INS: variants seen among roughly 807,000 people sequenced by gnomAD.
INS encodes the protein insulin.
Under a neutral mutation model 10.5 loss-of-function variants are expected in INS, and 6 were observed. That is an observed-to-expected ratio of 0.57 (90% CI 0.31 to 1.13). The LOEUF (loss-of-function observed/expected upper bound fraction) is 1.13. Ranked by LOEUF, INS falls within the 50% of genes most tolerant of loss-of-function variation. The probability of loss-of-function intolerance (pLI) is 0.05; values close to 1 mark genes in which losing one functional copy is unlikely to be tolerated. For missense variants in INS, 109 were observed against 138.6 expected (o/e 0.79, Z 1.07); for synonymous variants, 71 against 62.7 (o/e 1.13, Z -0.63).
rs144093133 is a variant in INS, at chr11:2,159,961, C to A, written c.224G>T (p.Gly75Val). The A allele has an allele frequency of 6.3e-7, 1 of 1,592,960 alleles. No homozygotes were observed. Among genetic ancestry groups the A allele is most frequent in the Non-Finnish European group, 8.5e-7 (1 of 1,171,776 alleles). Residue 75 changes from glycine (G) to valine (V), a missense_variant, in exon 3 of 3, where the codon GGC becomes GTC. By Grantham distance (109) the Gly-to-Val change is moderately radical. This residue lies in a region of INS where 108 missense variants were observed against 118.0 expected (regional missense o/e 0.92). Transcript: ENST00000381330. ...CTCCAGGGCCAAGGGCTGCAGGCTG[C>A]CTGCACCAGGGCCCCCGCCCAGCTC... ...QVELGGGPGA[G>V]SLQPLALEGS...
Position 2,159,934 on chromosome 11 carries a change from C to T in INS, c.251G>A (p.Gly84Glu). 6.3e-7 allele frequency: 1 copy of T among 1,598,644 alleles called. No individual in the cohort carries two copies. The highest frequency in any genetic ancestry group is 2.3e-5 in the East Asian group (1 of 44,304). The change falls in exon 3 of 3, where the codon GGG becomes GAG. Residue 84 changes from glycine (G) to glutamate (E), a missense_variant. This residue lies in a region of INS where 108 missense variants were observed against 118.0 expected (regional missense o/e 0.92). Transcript: ENST00000381330. ...AGSLQPLALE[G>E]SLQKRGIVEQ... Reference sequence around the variant, plus strand: ...CACAATGCCACGCTTCTGCAGGGACCCCTCCAGGGCCAAGGGCTGCAGGCT... The same window carrying T: ...CACAATGCCACGCTTCTGCAGGGACTCCTCCAGGGCCAAGGGCTGCAGGCT...
chr11:2,160,649 ACTT>A (rs1845867783), intron 2 of INS, 133 bp downstream of exon 2: 1 of 1,049,952 alleles, frequency 9.5e-7, no homozygotes, highest in Admixed American at 2.4e-5. Context: ...GACCAAGAGA[ACTT>A]CTTTTTAAAA....
Position 2,160,771 on chromosome 11 carries a change from G to A in INS, c.187+14C>T. The A allele has an allele frequency of 6.2e-7, 1 of 1,610,552 alleles. No homozygotes were observed. The highest frequency in any genetic ancestry group is 8.5e-7 in the Non-Finnish European group (1 of 1,178,126). On this transcript the variant is annotated intron_variant, in intron 2 of 2. Transcript: ENST00000381330. The stretch of plus-strand genomic sequence containing the variant: ...CTGGGGGCGGCCAGGGGCAGCAATG[G>A]GCAGTTGGCTCACCCTGCAGGTCCT...
At position 2,160,921 on chromosome 11, in the gene INS, C is replaced by A; in HGVS notation, c.51G>T (p.Trp17Cys). 1 of 1,612,600 alleles carries A rather than the reference C, an allele frequency of 6.2e-7. No individual in the cohort carries two copies. The highest frequency in any genetic ancestry group is 8.5e-7 in the Non-Finnish European group (1 of 1,179,824). ...CAAAGGCTGCGGCTGGGTCAGGTCC[C>A]CAGAGGGCCAGCAGCGCCAGCAGGG... is the stretch of plus-strand genomic sequence containing the variant. Reference protein sequence around the residue: ...LLPLLALLALWGPDPAAAFVN... With the variant: ...LLPLLALLALCGPDPAAAFVN... Residue 17 changes from tryptophan to cysteine, a missense_variant, in exon 2 of 3, where the codon TGG (tryptophan) becomes TGT (cysteine). Trp to Cys is a radical substitution (Grantham distance 215, BLOSUM62 -2). This residue lies in a region of INS where 108 missense variants were observed against 118.0 expected (regional missense o/e 0.92). Transcript: ENST00000381330.
In INS at chr11:2,160,825, G is replaced by C. The variant is rs148685531; in HGVS notation, c.147C>G (p.Phe49Leu). Residue 49 changes from phenylalanine to leucine, a missense_variant, in exon 2 of 3, where the codon TTC (phenylalanine) becomes TTG (leucine). Physicochemically the swap from Phe to Leu is conservative, Grantham distance 22. This residue lies in a region of INS where 108 missense variants were observed against 118.0 expected (regional missense o/e 0.92). Coordinates refer to ENST00000381330, the MANE Select transcript of INS (RefSeq NM_000207.3). ...CCTCCCGGCGGGTCTTGGGTGTGTA[G>C]AAGAAGCCTCGTTCCCCGCACACTA... ...LYLVCGERGF[F>L]YTPKTRREAE... is the part of the protein sequence containing the mutation. 1.9e-6 allele frequency: 3 copies of C among 1,612,628 alleles called. No homozygotes were observed. The highest frequency in any genetic ancestry group is 2.5e-6 in the Non-Finnish European group (3 of 1,179,790).
intron 2 of INS, 114 bp from the exon 3 acceptor site, chr11:2,160,111 C>T: frequency 8.8e-7 from 1 of 1,134,472 alleles, no homozygotes; most frequent in Non-Finnish European, 1.3e-6. Context: ...CTAGGTCGCA[C>T]TCCCACCCAT....
Position 2,160,940 on chromosome 11 carries a change from A to G in INS, c.32T>C (p.Leu11Pro), listed in dbSNP as rs1213888316. The G allele has an allele frequency of 1.9e-6, 3 of 1,612,466 alleles. No homozygotes were observed. The highest frequency in any genetic ancestry group is 1.3e-5 in the African/African-American group (1 of 74,940). MALWMRLLPL[L>P]ALLALWGPDP... ...AGGTCCCCAGAGGGCCAGCAGCGCCAGCAGGGGCAGGAGGCGCATCCACAG... is the reference window on the plus strand; with the variant it reads ...AGGTCCCCAGAGGGCCAGCAGCGCCGGCAGGGGCAGGAGGCGCATCCACAG... Residue 11 changes from leucine (L) to proline (P), a missense_variant, in exon 2 of 3, where the codon CTG becomes CCG. Physicochemically the swap from Leu to Pro is moderately conservative, Grantham distance 98 (BLOSUM62 -3). Coordinates refer to ENST00000381330, the MANE Select transcript of INS (RefSeq NM_000207.3).
In INS at chr11:2,161,008, GAGGC is replaced by G. The variant is rs774301523; in HGVS notation, c.-17-24_-17-21del. On this transcript the variant is annotated intron_variant, in intron 1 of 2. Transcript: ENST00000381330. ...AGTGATCTGGGAGACAGGCAGGGCT[GAGGC>G]AGGCTGAAGGCCAGGTGCCCTGCCT... is the stretch of plus-strand genomic sequence containing the variant. 1 of 1,606,036 alleles carries G rather than the reference GAGGC, an allele frequency of 6.2e-7. No individual in the cohort carries two copies. Among genetic ancestry groups the G allele is most frequent in the South Asian group, 1.1e-5 (1 of 90,666 alleles).
chr11:2,160,728 G>C, intron 2 of INS, 57 bp downstream of exon 2: 1 of 1,594,988 alleles, frequency 6.3e-7, no homozygotes, highest in East Asian at 2.3e-5. Flanking sequence ...GGGTGGGAGC[G>C]CCAGGAGCAG....
chr11:2,161,207 G>T lies in INS; in HGVS notation c.-57C>A. ...CTTCTGATGCAGCCTGTCCTGGAGGGCTGAGGGCTGCTGGGCCCCCGCTGG... is the reference window on the plus strand; with the variant it reads ...CTTCTGATGCAGCCTGTCCTGGAGGTCTGAGGGCTGCTGGGCCCCCGCTGG... On this transcript the variant is annotated 5_prime_UTR_variant, in exon 1 of 3. Coordinates refer to ENST00000381330, the MANE Select transcript of INS (RefSeq NM_000207.3). 1.7e-6 allele frequency: 1 copy of T among 576,558 alleles called. No individual in the cohort carries two copies. The highest frequency in any genetic ancestry group is 3.0e-6 in the Non-Finnish European group (1 of 332,114). The allele number at this position is 576,558 out of a possible 1,614,324, so 35.7% of individuals were successfully genotyped here. A position where few individuals can be genotyped will look rare whatever the true frequency, so the allele number is the denominator to read the frequency against.
chr11:2,160,872 G>A lies in INS; in HGVS notation c.100C>T (p.His34Tyr). The A allele has an allele frequency of 6.2e-7, 1 of 1,612,742 alleles. No homozygotes were observed. The highest frequency in any genetic ancestry group is 1.7e-5 in the Admixed American group (1 of 60,022). The part of the protein sequence containing the change: ...AFVNQHLCGS[H>Y]LVEALYLVCG... ...ACTAGGTAGAGAGCTTCCACCAGGT[G>A]TGAGCCGCACAGGTGTTGGTTCACA... Residue 34 changes from histidine (H) to tyrosine (Y), a missense_variant, in exon 2 of 3, where the codon CAC (histidine) becomes TAC (tyrosine). By Grantham distance (83) the His-to-Tyr change is moderately conservative (BLOSUM62 2). Around this residue, in one of 2 missense-constraint regions of INS, gnomAD observed 108 missense variants for 118.0 expected, o/e 0.92. Transcript: ENST00000381330.
rs762210444 is a variant in INS at position 2,160,753 on chromosome 11, C to T, written c.187+32G>A. ...GCCAGGAGCAGGGGGTGGCTGGGGG[C>T]GGCCAGGGGCAGCAATGGGCAGTTG... On this transcript the variant is annotated intron_variant, in intron 2 of 2. Transcript: ENST00000381330. 1.3e-5 allele frequency: 21 copies of T among 1,603,664 alleles called. No individual in the cohort carries two copies. In the East Asian group the frequency reaches 1.3e-4, roughly 10 times the overall value.
At chr11:2,160,754 G>C (rs370439104) in intron 2 of INS, 31 bp downstream of exon 2, 2 of 1,603,780 alleles carry the variant, frequency 1.2e-6, no homozygotes, top group South Asian at 1.1e-5. Context: ...GGCTGGGGGC[G>C]GCCAGGGGCA....
At chr11:2,161,028 T>A in intron 1 of INS, 40 bp from the exon 2 acceptor site, 1 of 1,589,230 alleles carries the variant, frequency 6.3e-7, no homozygotes, top group Non-Finnish European at 8.5e-7. Context: ...GAAGGCCAGG[T>A]GCCCTGCCTT....
rs1845873464 is a variant in INS at position 2,160,786 on chromosome 11, C to T, written c.186G>A (p.Gln62=). The T allele has an allele frequency of 6.2e-7, 1 of 1,612,080 alleles. No homozygotes were observed. Among genetic ancestry groups the T allele is most frequent in the South Asian group, 1.1e-5 (1 of 91,082 alleles). ...GGCAGCAATGGGCAGTTGGCTCACC[C>T]TGCAGGTCCTCTGCCTCCCGGCGGG... is the stretch of plus-strand genomic sequence containing the variant. The part of the protein sequence containing the change: ...PKTRREAEDL[Q]VGQVELGGGP... The change falls in exon 2 of 3, where the codon CAG becomes CAA. Residue 62 remains glutamine (Q), a splice_region_variant and synonymous_variant. Transcript: ENST00000381330.
chr11:2,159,798 T>C lies in INS; in HGVS notation c.*54A>G, dbSNP rs1313670602. On this transcript the variant is annotated 3_prime_UTR_variant, in exon 3 of 3. Transcript: ENST00000381330. ...AGCAGGGCTGGTTCAAGGGCTTTAT[T>C]CCATCTCTCTCGGTGCAGGAGGCGG... 3.1e-6 allele frequency: 5 copies of C among 1,590,544 alleles called. No individual in the cohort carries two copies. Among genetic ancestry groups the C allele is most frequent in the Non-Finnish European group, 4.3e-6 (5 of 1,166,544 alleles).
rs3842750 is a variant in INS, at chr11:2,160,036, C to T, written c.188-39G>A. 8.6e-5 allele frequency: 133 copies of T among 1,551,216 alleles called. 2 individuals carry two copies. Among genetic ancestry groups the T allele is most frequent in the South Asian group, 7.8e-4 (66 of 85,104 alleles). On this transcript the variant is annotated intron_variant, in intron 2 of 2. Transcript: ENST00000381330. Reference sequence around the variant, plus strand: ...CCGCGCAGAGCAGGTTCCGGAACAGCGGCGAGGCAGAGGGACACAGGAGGA... The same window carrying T: ...CCGCGCAGAGCAGGTTCCGGAACAGTGGCGAGGCAGAGGGACACAGGAGGA...
At chr11:2,160,259 C>T (rs1471477756) in intron 2 of INS, among the ~76,000 whole-genome samples, 16 of 152,154 alleles carry the variant, frequency 1.1e-4, no homozygotes, top group East Asian at 1.9e-4. Context: ...CAGGTGATCC[C>T]AGTACTTCTC....
chr11:2,161,125 T>C, intron 1 of INS, 43 bp downstream of exon 1: 1 of 1,118,844 alleles, frequency 8.9e-7, no homozygotes. Flanking sequence ...CCAGCCACCC[T>C]GGAATCCTGA....
Sources: allele counts gnomAD v4.1 joint callset (sites outside exome capture counted in the v4.1 genomes callset), GRCh38; gene constraint gnomAD v4.1.1; regional missense constraint gnomAD v4.1.1; transcripts MANE v1.5; gene names NCBI Gene and HGNC (gene_info 2026-07-23, HGNC 2026-07-21).